The following KLHL4 variants were observed in gnomAD, a reference collection of about 807,000 sequenced individuals.
KLHL4 encodes the protein kelch-like protein 4.
KLHL4 carries 17 observed loss-of-function variants against 45.8 expected under a neutral mutation model. The ratio of observed to expected loss-of-function variants is 0.37; its 90% CI spans 0.25 to 0.56. The LOEUF (loss-of-function observed/expected upper bound fraction) is 0.56, where lower values mean the gene tolerates loss of function less well. Among genes scored for constraint, KLHL4 ranks in the 20% least tolerant of loss-of-function variants. The pLI, the probability that KLHL4 is intolerant of heterozygous loss-of-function variation, is 0.79. For synonymous variants in KLHL4, 224 were observed against 189.9 expected (o/e 1.18, Z -1.47); for missense variants, 544 against 544.9 (o/e 1.00, Z 0.02).
intron 1 of KLHL4, among the ~76,000 whole-genome samples, chrX:87,545,041 A>G (rs2147775141): frequency 8.9e-6 from 1 of 112,481 alleles, no homozygotes; most frequent in East Asian, 2.8e-4. Flanking sequence ...ATGAAACTCA[A>G]AGAAATTCAA....
At chrX:87,540,728 A>T (rs1306938939) in intron 1 of KLHL4, among the ~76,000 whole-genome samples, 1 of 111,678 alleles carries the variant, frequency 9.0e-6, no homozygotes, top group Non-Finnish European at 1.9e-5. Context: ...AGTAGAAGGA[A>T]TAAAGGAATA....
chrX:87,666,629 A>G lies in KLHL4; in HGVS notation c.*95A>G, dbSNP rs1924378507. 3.0e-6 allele frequency: 3 copies of G among 1,009,393 alleles called. No individual in the cohort carries two copies. The highest frequency in any genetic ancestry group is 3.8e-6 in the Non-Finnish European group (3 of 787,434). The allele number at this position is 1,009,393 out of a possible 1,213,427, so 83.2% of individuals were successfully genotyped here. The stretch of plus-strand genomic sequence containing the variant: ...AGAAATACATGTTCTTTTTCCTGCA[A>G]TTAATAATCAGACTGGAAAATTGTT... On this transcript the variant is annotated 3_prime_UTR_variant, in exon 11 of 11. Transcript: ENST00000373119.
chrX:87,570,470 G>C (rs998838694), intron 1 of KLHL4, among the ~76,000 whole-genome samples: 1 of 110,494 alleles, frequency 9.1e-6, no homozygotes, highest in Non-Finnish European at 1.9e-5. Context: ...GAGAATGACC[G>C]TATCATTTAT....
Position 87,606,862 on chromosome X carries a change from G to T in KLHL4, c.423-7015G>T, listed in dbSNP as rs960624628. Among the ~76,000 whole-genome samples, 3 of 111,332 alleles carry T rather than the reference G, an allele frequency of 2.7e-5. No individual in the cohort carries two copies. In the South Asian group the frequency reaches 1.1e-3, roughly 42 times the overall value. ...TTACATTTGGACAGAGTTTACATTT[G>T]CACAGAGATATAAAGAAATAAATAC... On this transcript the variant is annotated intron_variant, in intron 1 of 10. Transcript: ENST00000373119.
chrX:87,623,351 T>TGG (rs887595952), intron 5 of KLHL4, among the ~76,000 whole-genome samples: 1 of 90,126 alleles, frequency 1.1e-5, no homozygotes, highest in Admixed American at 1.4e-4. Context: ...TGGAGTGCAG[T>TGG]GGGGCTATCT....
rs1401043357 is a variant in KLHL4 at position 87,628,991 on chromosome X, T to C, written c.1324+3195T>C. 1.8e-5 allele frequency among the ~76,000 whole-genome samples: 2 copies of C among 112,237 alleles called. 1 individual carries two copies. Among genetic ancestry groups the C allele is most frequent in the Non-Finnish European group, 3.8e-5 (2 of 53,154 alleles). On this transcript the variant is annotated intron_variant, in intron 6 of 10. Transcript: ENST00000373119. ...ATAATATTTTGTAAATTTGTATTTG[T>C]TTAAAAACTAAATTCTGAATAAAGC... is the stretch of plus-strand genomic sequence containing the variant.
intron 1 of KLHL4, among the ~76,000 whole-genome samples, chrX:87,541,621 C>T: frequency 9.0e-6 from 1 of 111,026 alleles, no homozygotes; most frequent in African/African-American, 3.3e-5. Flanking sequence ...TGAGGCCTTC[C>T]CAGCCATGCA....
intron 1 of KLHL4, among the ~76,000 whole-genome samples, chrX:87,533,064 G>A (rs1465588069): frequency 2.0e-4 from 21 of 106,839 alleles, no homozygotes; most frequent in Admixed American, 1.9e-3. Flanking sequence ...ACAGGTGCTG[G>A]AGAGGATGTG....
chrX:87,644,182 T>G (rs1008529854), intron 9 of KLHL4, among the ~76,000 whole-genome samples: 4 of 111,595 alleles, frequency 3.6e-5, no homozygotes, highest in Non-Finnish European at 7.5e-5. Flanking sequence ...CTCCTAGAAC[T>G]GATAAAAGAA....
rs1924514552 is a variant in KLHL4, at chrX:87,670,018, T to C, written c.*3484T>C. 1 of 111,810 alleles carries C rather than the reference T, an allele frequency of 8.9e-6. No homozygotes were observed. The highest frequency in any genetic ancestry group is 2.8e-4 in the East Asian group (1 of 3,567). 9.2% of individuals were successfully genotyped at this position (111,810 alleles called of 1,213,427 possible). ...TGCCATAATATATATGATTTATGAA[T>C]TATAGTAATATTAATAAAAGTGTTA... On this transcript the variant is annotated 3_prime_UTR_variant, in exon 11 of 11. Transcript: ENST00000373119.
Position 87,546,943 on chromosome X carries a change from C to T in KLHL4, c.422+28628C>T, listed in dbSNP as rs142009824. On this transcript the variant is annotated intron_variant, in intron 1 of 10. Coordinates refer to ENST00000373119, the MANE Select transcript of KLHL4 (RefSeq NM_019117.5). Reference sequence around the variant, plus strand: ...GGGGAGCATTTATTCAATGCCTATACCTCTGTTGTATCTTGGAAGTACATA... The same window carrying T: ...GGGGAGCATTTATTCAATGCCTATATCTCTGTTGTATCTTGGAAGTACATA... Among the ~76,000 whole-genome samples the T allele has an allele frequency of 8.8e-3, 995 of 112,435 alleles. 7 individuals carry two copies. Among genetic ancestry groups the T allele is most frequent in the African/African-American group, 0.03 (943 of 30,933 alleles).
chrX:87,626,211 G>A (rs1243468750), intron 6 of KLHL4, among the ~76,000 whole-genome samples: 1 of 111,277 alleles, frequency 9.0e-6, no homozygotes, highest in Non-Finnish European at 1.9e-5. Context: ...TACATTTTAG[G>A]GAGATATCAG....
chrX:87,574,337 A>C (rs1921027570), intron 1 of KLHL4, among the ~76,000 whole-genome samples: 1 of 111,583 alleles, frequency 9.0e-6, no homozygotes, highest in Non-Finnish European at 1.9e-5. Flanking sequence ...ACAGAATCCA[A>C]GGCTAACAAG....
chrX:87,640,849 A>G (rs943547863), intron 9 of KLHL4, among the ~76,000 whole-genome samples: 5 of 111,815 alleles, frequency 4.5e-5, no homozygotes, highest in African/African-American at 1.6e-4. Context: ...GAGCAGTCGG[A>G]CAAGATAAAG....
rs1238584620 is a variant in KLHL4, at chrX:87,517,829, CAA to C, written c.-64_-63del. 4.6e-6 allele frequency: 5 copies of C among 1,085,513 alleles called. No individual in the cohort carries two copies. Among genetic ancestry groups the C allele is most frequent in the African/African-American group, 3.7e-5 (2 of 53,541 alleles). The allele number at this position is 1,085,513 out of a possible 1,213,427, so 89.5% of individuals were successfully genotyped here. On this transcript the variant is annotated 5_prime_UTR_variant, in exon 1 of 11. Coordinates refer to ENST00000373119, the MANE Select transcript of KLHL4 (RefSeq NM_019117.5). ...TAGTTCTACAGAAGAGGCAGAAAAA[CAA>C]GAGATAACAAAGGCTCCGTTTCCTT...
intron 1 of KLHL4, among the ~76,000 whole-genome samples, chrX:87,531,556 A>G (rs1346123055): frequency 9.3e-6 from 1 of 107,889 alleles, no homozygotes; most frequent in East Asian, 3.0e-4. Context: ...CTGTTTGCAG[A>G]TGACATGATT....
chrX:87,545,402 A>C lies in KLHL4; in HGVS notation c.422+27087A>C, dbSNP rs576669061. ...TATGATAGTGAATGCGTTTCATGAG[A>C]TCTGATGGTTTTATAAGGGGCTGTC... On this transcript the variant is annotated intron_variant, in intron 1 of 10. Coordinates refer to ENST00000373119, the MANE Select transcript of KLHL4 (RefSeq NM_019117.5). Among the ~76,000 whole-genome samples, 28 of 110,940 alleles carry C rather than the reference A, an allele frequency of 2.5e-4. No homozygotes were observed. In the South Asian group the frequency reaches 9.9e-3, roughly 39 times the overall value.
intron 1 of KLHL4, among the ~76,000 whole-genome samples, chrX:87,529,368 A>C (rs1341474197): frequency 8.9e-6 from 1 of 111,946 alleles, no homozygotes; most frequent in Admixed American, 9.5e-5. Flanking sequence ...TTAAAGTCAA[A>C]ATGGTGAAAA....
intron 9 of KLHL4, among the ~76,000 whole-genome samples, chrX:87,640,550 A>G (rs1422163167): frequency 1.8e-5 from 2 of 112,265 alleles, no homozygotes; most frequent in Non-Finnish European, 3.8e-5. Context: ...ACAAGTCAAT[A>G]AATGTGATAT....
Sources: allele counts gnomAD v4.1 joint callset (sites outside exome capture counted in the v4.1 genomes callset), GRCh38; gene constraint gnomAD v4.1.1; transcripts MANE v1.5; gene names NCBI Gene and HGNC (gene_info 2026-07-23, HGNC 2026-07-21).